The following IQGAP2 variants were observed in gnomAD, a reference collection of about 807,000 sequenced individuals.
IQGAP2 encodes ras GTPase-activating-like protein IQGAP2.
Under a neutral mutation model 201.3 loss-of-function variants are expected in IQGAP2, and 173 were observed. The observed-to-expected ratio is 0.86, with a 90% CI of 0.76 to 0.98. The LOEUF (loss-of-function observed/expected upper bound fraction) is 0.98. Among genes scored for constraint, IQGAP2 ranks in the 50% least tolerant of loss-of-function variants. The probability of loss-of-function intolerance (pLI) is 0.00; values close to 1 mark genes in which losing one functional copy is unlikely to be tolerated. For missense variants in IQGAP2, 1,687 were observed against 1,864.8 expected (o/e 0.90, Z 1.76); for synonymous variants, 675 against 673.9 (o/e 1.00, Z -0.03).
intron 33 of IQGAP2, among the ~76,000 whole-genome samples, chr5:76,698,806 G>A (rs575029288): frequency 2.8e-4 from 43 of 152,182 alleles, no homozygotes; most frequent in Middle Eastern, 3.4e-3. Context: ...ATTGGCAGGA[G>A]GAAATGGTGC....
At chr5:76,551,583 G>A (rs973246689) in intron 2 of IQGAP2, among the ~76,000 whole-genome samples, 3 of 152,234 alleles carry the variant, frequency 2.0e-5, no homozygotes, top group South Asian at 2.1e-4. Flanking sequence ...CTGAGTGAGC[G>A]AGACTCCGTC....
intron 13 of IQGAP2, among the ~76,000 whole-genome samples, chr5:76,619,521 T>C (rs1282826886): frequency 3.4e-5 from 5 of 147,446 alleles, no homozygotes; most frequent in Non-Finnish European, 4.5e-5. Context: ...CTTCTTTTTT[T>C]TTTTTTTTTT....
chr5:76,645,076 A>G (rs1264795426), intron 17 of IQGAP2, among the ~76,000 whole-genome samples: 1 of 151,438 alleles, frequency 6.6e-6, no homozygotes, highest in Non-Finnish European at 1.5e-5. Flanking sequence ...TTCAACTCCT[A>G]CTTATGAGTG....
intron 1 of IQGAP2, among the ~76,000 whole-genome samples, chr5:76,431,918 A>T (rs1580176364): frequency 6.6e-6 from 1 of 151,534 alleles, no homozygotes; most frequent in South Asian, 2.1e-4. Flanking sequence ...ATGTGTGGTG[A>T]TTCCAAATGA....
chr5:76,640,547 A>G (rs950962207), intron 16 of IQGAP2, among the ~76,000 whole-genome samples: 2 of 152,174 alleles, frequency 1.3e-5, no homozygotes, highest in Non-Finnish European at 2.9e-5. Flanking sequence ...CCTTATGGCC[A>G]TTGCAGTCTT....
At chr5:76,468,387 A>T (rs114802133) in intron 2 of IQGAP2, among the ~76,000 whole-genome samples, 696 of 152,248 alleles carry the variant, frequency 4.6e-3, no homozygotes, top group Non-Finnish European at 6.8e-3. Flanking sequence ...ATTTGGTTGA[A>T]CTTTTTACTC....
At chr5:76,531,872 A>G (rs1242059129) in intron 2 of IQGAP2, among the ~76,000 whole-genome samples, 2 of 152,164 alleles carry the variant, frequency 1.3e-5, no homozygotes, top group African/African-American at 2.4e-5. Flanking sequence ...ATTTCTCACA[A>G]TTCAGGAGAC....
chr5:76,621,566 TA>T (rs1446717134), intron 13 of IQGAP2, among the ~76,000 whole-genome samples: 1 of 152,202 alleles, frequency 6.6e-6, no homozygotes, highest in Non-Finnish European at 1.5e-5. Flanking sequence ...AGCCTGATTT[TA>T]AAAAGCTGTT....
chr5:76,411,875 A>G (rs186776074), intron 1 of IQGAP2, among the ~76,000 whole-genome samples: 4 of 152,352 alleles, frequency 2.6e-5, no homozygotes, highest in Non-Finnish European at 4.4e-5. Context: ...TGAGGCTTAT[A>G]GGAGCCATTG....
chr5:76,565,087 C>G (rs116820079), intron 3 of IQGAP2, among the ~76,000 whole-genome samples: 1 of 152,046 alleles, frequency 6.6e-6, no homozygotes, highest in African/African-American at 2.4e-5. Flanking sequence ...ATCTCTCATA[C>G]GAAAATGAAA....
intron 11 of IQGAP2, among the ~76,000 whole-genome samples, chr5:76,602,912 T>C (rs1262189197): frequency 1.3e-5 from 2 of 152,246 alleles, no homozygotes; most frequent in Non-Finnish European, 2.9e-5. Flanking sequence ...CTCTTGGGGC[T>C]GTGTTTGCCC....
At position 76,597,616 on chromosome 5, in the gene IQGAP2, GA is replaced by G. The variant is rs1747128914; in HGVS notation, c.1071+15del. On this transcript the variant is annotated intron_variant, in intron 10 of 35. Transcript: ENST00000274364. ...CAGAACACCATGGTAAGTCAGAGGAGACCCCAGCTGTGGGGACGGTAACCCT... is the reference window on the plus strand; with the variant it reads ...CAGAACACCATGGTAAGTCAGAGGAGCCCCAGCTGTGGGGACGGTAACCCT... 2 of 1,613,592 alleles carry G rather than the reference GA, an allele frequency of 1.2e-6. No homozygotes were observed. Among genetic ancestry groups the G allele is most frequent in the African/African-American group, 1.3e-5 (1 of 75,016 alleles).
At chr5:76,649,650 C>CAGG (rs199547933) in intron 17 of IQGAP2, among the ~76,000 whole-genome samples, 6 of 152,172 alleles carry the variant, frequency 3.9e-5, no homozygotes, top group African/African-American at 2.4e-5. Context: ...TTTCCAGGCA[C>CAGG]GTGGTACAAG....
At chr5:76,532,089 A>G (rs1759329204) in intron 2 of IQGAP2, among the ~76,000 whole-genome samples, 1 of 152,228 alleles carries the variant, frequency 6.6e-6, no homozygotes, top group Non-Finnish European at 1.5e-5. Context: ...TTAAGATTTT[A>G]GCATAGGAGT....
Position 76,701,127 on chromosome 5 carries a change from G to A in IQGAP2, c.4419G>A (p.Ala1473=), listed in dbSNP as rs190325896. ...ATGGAAAAGGAGAACCCAAAGGGGC[G>A]AAGAGAGCGAAGCCAGTGAAGTACA... ...KLDGKGEPKG[A]KRAKPVKYTA... is the part of the protein sequence containing the mutation. The change falls in exon 34 of 36, where the codon GCG becomes GCA. Residue 1473 remains alanine (A), a synonymous_variant. Coordinates refer to ENST00000274364, the MANE Select transcript of IQGAP2 (RefSeq NM_006633.5). The A allele has an allele frequency of 1.2e-4, 190 of 1,614,076 alleles. No homozygotes were observed. The highest frequency in any genetic ancestry group is 5.0e-5 in the Non-Finnish European group (59 of 1,179,894).
chr5:76,641,665 G>C (rs1449793848), intron 17 of IQGAP2, among the ~76,000 whole-genome samples: 5 of 152,148 alleles, frequency 3.3e-5, no homozygotes, highest in Non-Finnish European at 5.9e-5. Flanking sequence ...ATTGGCAGGA[G>C]AATTTGCCAG....
In IQGAP2 at chr5:76,664,953, A is replaced by C. The variant is rs78990014; in HGVS notation, c.2530-73A>C. On this transcript the variant is annotated intron_variant, in intron 21 of 35. Transcript: ENST00000274364. ...CTGTATTTCCAATTACGTGTGTTTC[A>C]ATCCTATATGTGAAGGGAGGAGATA... 14 of 857,000 alleles carry C rather than the reference A, an allele frequency of 1.6e-5. No homozygotes were observed. In the African/African-American group the frequency reaches 2.2e-4, roughly 13 times the overall value. 53.1% of individuals were successfully genotyped at this position (857,000 alleles called of 1,614,324 possible). A position where few individuals can be genotyped will look rare whatever the true frequency, so the allele number is the denominator to read the frequency against.
intron 19 of IQGAP2, 131 bp from the exon 20 acceptor site, chr5:76,654,803 C>A (rs984215534): frequency 2.6e-5 from 16 of 612,928 alleles, no homozygotes; most frequent in Admixed American, 2.4e-4. Context: ...GTTGAATACA[C>A]CACATTGAAA....
rs567410789 is a variant in IQGAP2 at position 76,413,156 on chromosome 5, C to CTTTTT, written c.46+9591_46+9595dup. Among the ~76,000 whole-genome samples the CTTTTT allele has an allele frequency of 1.4e-3, 114 of 83,694 alleles. 4 individuals carry two copies. The highest frequency in any genetic ancestry group is 9.4e-3 in the Middle Eastern group (1 of 106). 54.9% of individuals were successfully genotyped at this position (83,694 alleles called of 152,430 possible). Reference sequence around the variant, plus strand: ...TATTTTCTTTTTTCTTTTCTTTTCTCTTTTTTTTTTTTTTTTTTTTTTTTT... The same window carrying CTTTTT: ...TATTTTCTTTTTTCTTTTCTTTTCTCTTTTTTTTTTTTTTTTTTTTTTTTTTTTTT... On this transcript the variant is annotated intron_variant, in intron 1 of 35. Coordinates refer to ENST00000274364, the MANE Select transcript of IQGAP2 (RefSeq NM_006633.5).
Sources: gnomAD v4.1 joint callset for allele counts (sites outside exome capture counted in the v4.1 genomes callset) on GRCh38, gnomAD v4.1.1 for gene constraint, MANE v1.5 for transcripts, NCBI Gene and HGNC (gene_info 2026-07-23, HGNC 2026-07-21) for gene names.